FAM186B: variants seen among roughly 807,000 people sequenced by gnomAD.
The protein encoded by FAM186B is protein FAM186B.
Under a neutral mutation model 83.4 loss-of-function variants are expected in FAM186B, and 68 were observed. The observed-to-expected ratio is 0.81, with a 90% CI of 0.67 to 1.00. The LOEUF (loss-of-function observed/expected upper bound fraction) is 1.00. FAM186B is among the 50% of genes least tolerant of loss of function. The pLI, the probability that FAM186B is intolerant of heterozygous loss-of-function variation, is 0.00. For synonymous variants in FAM186B, 389 were observed against 422.0 expected, an observed-to-expected ratio of 0.92 and a Z score of 0.96; for missense variants, 983 against 1,099.2, an observed-to-expected ratio of 0.89 and a Z score of 1.49.
intron 4 of FAM186B, 65 bp downstream of exon 4, chr12:49,599,404 T>G: frequency 6.8e-7 from 1 of 1,478,216 alleles, no homozygotes; most frequent in Non-Finnish European, 9.0e-7. Flanking sequence ...TCTCTCCCAC[T>G]GGGTTTAGGC....
In FAM186B at chr12:49,599,972, C is replaced by G. The variant is rs930209645; in HGVS notation, c.1668G>C (p.Glu556Asp). 3.1e-6 allele frequency: 5 copies of G among 1,613,814 alleles called. No individual in the cohort carries two copies. The highest frequency in any genetic ancestry group is 1.3e-5 in the African/African-American group (1 of 75,028). The change falls in exon 4 of 7, where the codon GAG becomes GAC. Residue 556 changes from glutamate (E) to aspartate (D), a missense_variant. Glu to Asp is a conservative substitution (Grantham distance 45). Transcript: ENST00000257894. ...REPEQLGEDV[E>D]RRIFTPTSRW... ...GACTGGTGGGTGTGAAGATCCTCCT[C>G]TCCACATCCTCCCCTAGCTGCTCTG...
At chr12:49,621,282 C>G in the FAM186B span, among the ~76,000 whole-genome samples, 21 of 152,132 alleles carry the variant, frequency 1.4e-4, no homozygotes, top group Non-Finnish European at 5.9e-5. Context: ...ACTTGGGAGG[C>G]TGAGGCAGGA....
At position 49,603,262 on chromosome 12, in the gene FAM186B, A is replaced by G. The variant is rs764785604; in HGVS notation, c.428T>C (p.Ile143Thr). 3.7e-6 allele frequency: 6 copies of G among 1,614,182 alleles called. No homozygotes were observed. In the East Asian group the frequency reaches 1.1e-4, roughly 30 times the overall value. ...VTEKVLPLSL[I>T]ATKRGIESLT... The stretch of plus-strand genomic sequence containing the variant: ...TGACTCGATGCCTCTTTTGGTGGCA[A>G]TGAGGGACAGCGGTAACACTTTCTC... Residue 143 changes from isoleucine to threonine, a missense_variant, in exon 3 of 7, where the codon ATT (isoleucine) becomes ACT (threonine). By Grantham distance (89) the Ile-to-Thr change is moderately conservative (BLOSUM62 -1). Transcript: ENST00000257894.
intron 3 of FAM186B, 130 bp from the exon 4 acceptor site, chr12:49,601,264 G>A (rs1939888832): frequency 7.9e-7 from 1 of 1,262,234 alleles, no homozygotes; most frequent in Non-Finnish European, 1.1e-6. Context: ...AGCTGGGGCT[G>A]TATATGGGGC....
chr12:49,599,474 G>T lies in FAM186B; in HGVS notation c.2166C>A (p.Ser722Arg), dbSNP rs766064665. The T allele has an allele frequency of 8.5e-6, 13 of 1,528,394 alleles. No individual in the cohort carries two copies. The highest frequency in any genetic ancestry group is 8.8e-6 in the Non-Finnish European group (10 of 1,140,488). The allele number at this position is 1,528,394 out of a possible 1,614,324, so 94.7% of individuals were successfully genotyped here. ...HKYIFYRRLQSLRQEAINHVQ... is the reference protein window; with the variant it reads ...HKYIFYRRLQRLRQEAINHVQ... ...GGGTTCCAGGGAGGACCTACCGGAG[G>T]CTCTGGAGGCGTCTATAGAAGATGT... is the stretch of plus-strand genomic sequence containing the variant. The change falls in exon 4 of 7, where the codon AGC becomes AGA. Residue 722 changes from serine (S) to arginine (R), a missense_variant. Ser to Arg is a moderately radical substitution (Grantham distance 110). Transcript: ENST00000257894.
the FAM186B span, among the ~76,000 whole-genome samples, chr12:49,618,854 A>G: frequency 1.3e-5 from 2 of 152,240 alleles, no homozygotes; most frequent in East Asian, 3.8e-4. Context: ...AGAAATCACC[A>G]ATAGGATGAT....
At chr12:49,599,022 C>G (rs1264065028) in intron 4 of FAM186B, 75 bp from the exon 5 acceptor site, 26 of 1,439,362 alleles carry the variant, frequency 1.8e-5, no homozygotes, top group Middle Eastern at 1.9e-4. Context: ...CCAGAGATGA[C>G]TTTGTTTTCT....
intron 3 of FAM186B, among the ~76,000 whole-genome samples, chr12:49,602,436 G>C (rs1204897893): frequency 1.3e-5 from 2 of 152,178 alleles, no homozygotes; most frequent in African/African-American, 2.4e-5. Context: ...TAAGCCCTGA[G>C]CATGTTCCAA....
chr12:49,584,403 C>T (rs1377500318), downstream of FAM186B: 5 of 679,058 alleles, frequency 7.4e-6, no homozygotes, highest in Non-Finnish European at 1.3e-5. Context: ...AAAGCACCAG[C>T]TGGGAACCTG....
the FAM186B span, among the ~76,000 whole-genome samples, chr12:49,614,991 G>A: frequency 6.6e-6 from 1 of 152,120 alleles, no homozygotes; most frequent in African/African-American, 2.4e-5. Flanking sequence ...AGCCAGGCGT[G>A]GGGGCGGGTA....
At chr12:49,619,432 G>T in the FAM186B span, 1 of 562,156 alleles carries the variant, frequency 1.8e-6, no homozygotes, top group Non-Finnish European at 3.3e-6. Flanking sequence ...CCACTGGAAT[G>T]GCAGGTTTTG....
the FAM186B span, chr12:49,619,648 T>G: frequency 5.3e-5 from 28 of 528,082 alleles, no homozygotes; most frequent in Non-Finnish European, 8.4e-5. Context: ...TTGGAGGAGC[T>G]TACTTTAGTT....
intron 5 of FAM186B, 107 bp from the exon 6 acceptor site, chr12:49,588,730 A>G: frequency 8.6e-7 from 1 of 1,162,440 alleles, no homozygotes; most frequent in Non-Finnish European, 1.2e-6. Context: ...CTCAGGGCTG[A>G]GTGGAGAGGG....
At chr12:49,609,463 G>A (rs549165103), upstream of FAM186B, among the ~76,000 whole-genome samples, 3 of 152,172 alleles carry the variant, frequency 2.0e-5, no homozygotes, top group Non-Finnish European at 4.4e-5. Context: ...AGTCTGAGTT[G>A]GCACACCCTT....
At chr12:49,605,149 C>T (rs1939984025) in intron 1 of FAM186B, 2 of 1,356,230 alleles carry the variant, frequency 1.5e-6, no homozygotes, top group East Asian at 3.1e-5. Context: ...GAGCTTCCTG[C>T]CCCCTTCCCG....
At chr12:49,608,049 GAAA>G (rs1218221773), upstream of FAM186B, among the ~76,000 whole-genome samples, 1 of 150,582 alleles carries the variant, frequency 6.6e-6, no homozygotes. Context: ...GACAAGAAAA[GAAA>G]AAAAAGTACT....
intron 4 of FAM186B, 83 bp from the exon 5 acceptor site, chr12:49,599,030 T>C: frequency 2.1e-6 from 3 of 1,409,018 alleles, no homozygotes; most frequent in Non-Finnish European, 2.9e-6. Flanking sequence ...GACTTTGTTT[T>C]CTTTAATTCC....
At chr12:49,595,179 T>TC (rs1353023705) in intron 5 of FAM186B, 1 of 497,580 alleles carries the variant, frequency 2.0e-6, no homozygotes, top group African/African-American at 2.0e-5. Context: ...ATGGAGACGG[T>TC]CATCCTGTAG....
chr12:49,613,020 A>C, the FAM186B span, among the ~76,000 whole-genome samples: 2 of 152,192 alleles, frequency 1.3e-5, no homozygotes, highest in Non-Finnish European at 1.5e-5. Flanking sequence ...AAAAATCGAA[A>C]TCATGCCAAC....
Sources: allele counts gnomAD v4.1 joint callset (sites outside exome capture counted in the v4.1 genomes callset), GRCh38; gene constraint gnomAD v4.1.1; transcripts MANE v1.5; gene names NCBI Gene and HGNC (gene_info 2026-07-23, HGNC 2026-07-21).